The following PDE9A variants were observed in gnomAD, a reference collection of about 807,000 sequenced individuals.
PDE9A encodes high affinity cGMP-specific 3',5'-cyclic phosphodiesterase 9A.
A neutral mutation model predicts 87.4 loss-of-function variants in PDE9A; 60 were observed. The ratio of observed to expected loss-of-function variants is 0.69; its 90% CI spans 0.56 to 0.85. PDE9A has a LOEUF of 0.85. PDE9A is among the 40% of genes least tolerant of loss of function. The pLI, the probability that PDE9A is intolerant of heterozygous loss-of-function variation, is 0.00. For missense variants in PDE9A, 665 were observed against 779.0 expected (o/e 0.85, Z 1.74); for synonymous variants, 272 against 279.4 (o/e 0.97, Z 0.27).
chr21:42,699,084 A>G (rs2060301303), intron 4 of PDE9A, 73 bp downstream of exon 4: 1 of 934,382 alleles, frequency 1.1e-6, no homozygotes, highest in Admixed American at 1.8e-5. Context: ...GTGATAAAAT[A>G]TATACTAGTT....
At chr21:42,727,020 G>C (rs1487907412) in intron 4 of PDE9A, among the ~76,000 whole-genome samples, 2 of 101,008 alleles carry the variant, frequency 2.0e-5, no homozygotes, top group South Asian at 6.6e-4. Flanking sequence ...TTTCAAAATT[G>C]TTTTTATTCT....
rs143035009 is a variant in PDE9A, at chr21:42,707,315, T to C, written c.262+8304T>C. 2.4e-3 allele frequency among the ~76,000 whole-genome samples: 372 copies of C among 152,266 alleles called. 1 individual carries two copies. Among genetic ancestry groups the C allele is most frequent in the Non-Finnish European group, 4.7e-3 (320 of 68,022 alleles). The stretch of plus-strand genomic sequence containing the variant: ...CCCTGCAGCCTGGGTGGGAGGTCCC[T>C]TACCCACTAATGGGTGCCTCCTCCA... On this transcript the variant is annotated intron_variant, in intron 4 of 19. Coordinates refer to ENST00000291539, the MANE Select transcript of PDE9A (RefSeq NM_002606.3).
intron 7 of PDE9A, among the ~76,000 whole-genome samples, chr21:42,740,475 G>A (rs1006843575): frequency 3.3e-5 from 5 of 151,590 alleles, no homozygotes; most frequent in Non-Finnish European, 7.4e-5. Context: ...AAGAAAGATA[G>A]GTAGATACAT....
At chr21:42,762,597 C>T (rs868644033) in intron 14 of PDE9A, among the ~76,000 whole-genome samples, 1 of 152,228 alleles carries the variant, frequency 6.6e-6, no homozygotes, top group Non-Finnish European at 1.5e-5. Flanking sequence ...TGGACAGACA[C>T]ATCTGCTGCA....
intron 1 of PDE9A, among the ~76,000 whole-genome samples, chr21:42,664,708 GC>G (rs2057840746): frequency 6.6e-6 from 1 of 152,192 alleles, no homozygotes; most frequent in South Asian, 2.1e-4. Context: ...CCGAATGGAA[GC>G]CCCCAAGGCT....
intron 7 of PDE9A, chr21:42,741,879 A>G (rs1031123992): frequency 1.3e-5 from 2 of 152,162 alleles, no homozygotes; most frequent in Non-Finnish European, 2.9e-5. Context: ...TTTTATTTTT[A>G]GCAGTTATTC....
intron 4 of PDE9A, among the ~76,000 whole-genome samples, chr21:42,707,945 T>C (rs536014852): frequency 6.6e-6 from 1 of 152,318 alleles, no homozygotes; most frequent in Non-Finnish European, 1.5e-5. Flanking sequence ...GTTATGTCTC[T>C]CTGGAATTGC....
rs371252129 is a variant in PDE9A, at chr21:42,739,717, G to C, written c.569-4059G>C. On this transcript the variant is annotated intron_variant, in intron 7 of 19. Coordinates refer to ENST00000291539, the MANE Select transcript of PDE9A (RefSeq NM_002606.3). This position sits in a 1 kb window ranked among gnomAD's most constrained non-coding sequence, Gnocchi z 4.1. ...ATAGGTAGCCAGGGAAGCGGATCTC[G>C]GTGGACTCTGCACTGTCAATACAAA... is the stretch of plus-strand genomic sequence containing the variant. Among the ~76,000 whole-genome samples the C allele has an allele frequency of 6.6e-6, 1 of 151,974 alleles. No homozygotes were observed. Among genetic ancestry groups the C allele is most frequent in the Non-Finnish European group, 1.5e-5 (1 of 68,020 alleles).
chr21:42,669,335 T>A (rs1384892953), intron 1 of PDE9A, among the ~76,000 whole-genome samples: 1 of 152,118 alleles, frequency 6.6e-6, no homozygotes, highest in Non-Finnish European at 1.5e-5. Context: ...ACCACCTTTC[T>A]GTTTGTTGTT....
intron 7 of PDE9A, 127 bp from the exon 8 acceptor site, chr21:42,743,649 T>C (rs2053541711): frequency 1.3e-5 from 8 of 625,730 alleles, no homozygotes; most frequent in South Asian, 3.8e-5. Flanking sequence ...CCAGGGCAGG[T>C]GTGGGGACCT....
At chr21:42,725,635 C>T (rs2050954675) in intron 4 of PDE9A, among the ~76,000 whole-genome samples, 1 of 152,224 alleles carries the variant, frequency 6.6e-6, no homozygotes, top group Non-Finnish European at 1.5e-5. Flanking sequence ...CCACCCAGCA[C>T]AACCCCCTGG....
chr21:42,704,193 G>A lies in PDE9A; in HGVS notation c.262+5182G>A, dbSNP rs1309009747. 6.6e-6 allele frequency among the ~76,000 whole-genome samples: 1 copy of A among 152,168 alleles called. No homozygotes were observed. The highest frequency in any genetic ancestry group is 1.5e-5 in the Non-Finnish European group (1 of 68,030). On this transcript the variant is annotated intron_variant, in intron 4 of 19. Transcript: ENST00000291539. This position sits in a 1 kb window ranked among gnomAD's most constrained non-coding sequence, Gnocchi z 5.3. ...GGAAGGCCAGGCTGGGTGTCCCTCC[G>A]GGCCAGCCGAGGAGCGCTGCGCTTA...
intron 4 of PDE9A, among the ~76,000 whole-genome samples, chr21:42,711,445 G>T (rs547593756): frequency 2.6e-5 from 4 of 151,896 alleles, no homozygotes; most frequent in African/African-American, 7.3e-5. Context: ...TAGAGATGGG[G>T]TTTCACCATG....
chr21:42,653,748 C>T lies in PDE9A; in HGVS notation c.-67C>T, dbSNP rs2056819899. 1.1e-6 allele frequency: 1 copy of T among 902,026 alleles called. No individual in the cohort carries two copies. Among genetic ancestry groups the T allele is most frequent in the Non-Finnish European group, 1.7e-6 (1 of 605,370 alleles). 55.9% of individuals were successfully genotyped at this position (902,026 alleles called of 1,614,324 possible). A position where few individuals can be genotyped will look rare whatever the true frequency, so the allele number is the denominator to read the frequency against. The stretch of plus-strand genomic sequence containing the variant: ...CGCCCCCTCCCCTGCTCCCCTCCCC[C>T]GCCTCCCGCGGCGGCTGGCGTCGGG... On this transcript the variant is annotated 5_prime_UTR_variant, in exon 1 of 20. Transcript: ENST00000291539.
chr21:42,705,319 C>A lies in PDE9A; in HGVS notation c.262+6308C>A, dbSNP rs1261146087. Reference sequence around the variant, plus strand: ...CGATAGTGCTGATTTTTTGGAAAATCCTTGAGCCTCAATCACTTTTATTTG... The same window carrying A: ...CGATAGTGCTGATTTTTTGGAAAATACTTGAGCCTCAATCACTTTTATTTG... On this transcript the variant is annotated intron_variant, in intron 4 of 19. Coordinates refer to ENST00000291539, the MANE Select transcript of PDE9A (RefSeq NM_002606.3). The surrounding 1 kb of genome is among the most constrained non-coding windows in gnomAD (Gnocchi z 4.3). 1.3e-5 allele frequency among the ~76,000 whole-genome samples: 2 copies of A among 152,188 alleles called. No individual in the cohort carries two copies. The highest frequency in any genetic ancestry group is 3.8e-4 in the East Asian group (2 of 5,196).
chr21:42,703,359 G>C (rs1290852843), intron 4 of PDE9A, among the ~76,000 whole-genome samples: 4 of 152,222 alleles, frequency 2.6e-5, no homozygotes, highest in Admixed American at 2.0e-4. Context: ...GGCCAGGCCT[G>C]AGCCGGACGG....
chr21:42,665,616 T>C (rs1460554064), intron 1 of PDE9A, among the ~76,000 whole-genome samples: 1 of 152,188 alleles, frequency 6.6e-6, no homozygotes, highest in Non-Finnish European at 1.5e-5. Context: ...CGGCCTTCCC[T>C]GCCCTGGCCG....
chr21:42,773,126 G>T (rs1195013853), intron 19 of PDE9A, among the ~76,000 whole-genome samples: 1 of 151,266 alleles, frequency 6.6e-6, no homozygotes, highest in Non-Finnish European at 1.5e-5. Flanking sequence ...GCCAGGTGTT[G>T]TGGCGTGCAC....
rs58315597 is a variant in PDE9A, at chr21:42,689,649, C to T, written c.218+1655C>T. ...TAAACTCGGCGGGAAATAGGAGAAG[C>T]CCACCTTGACCCTTCTAATTCTCTG... On this transcript the variant is annotated intron_variant, in intron 3 of 19. Transcript: ENST00000291539. 1,697 of 985,440 alleles carry T rather than the reference C, an allele frequency of 1.7e-3. 13 individuals carry two copies. The African/African-American group carries it at 0.022, about 13-fold the overall frequency. 61.0% of individuals were successfully genotyped at this position (985,440 alleles called of 1,614,324 possible).
Sources: gnomAD v4.1 joint callset for allele counts (sites outside exome capture counted in the v4.1 genomes callset) on GRCh38, gnomAD v4.1.1 for gene constraint, Gnocchi (gnomAD v3.1) non-coding constraint, MANE v1.5 for transcripts, NCBI Gene and HGNC (gene_info 2026-07-23, HGNC 2026-07-21) for gene names.